The following FAM81A variants were observed in gnomAD, a reference collection of about 807,000 sequenced individuals.
FAM81A encodes protein FAM81A.
FAM81A carries 19 observed loss-of-function variants against 46.7 expected under a neutral mutation model. The ratio of observed to expected loss-of-function variants is 0.41; its 90% CI spans 0.28 to 0.60. FAM81A has a LOEUF of 0.60. Ranked by LOEUF, FAM81A falls within the 20% of genes least tolerant of loss-of-function variation. The pLI, the probability that FAM81A is intolerant of heterozygous loss-of-function variation, is 0.34. For synonymous variants in FAM81A, 183 were observed against 152.9 expected (o/e 1.20, Z -1.45); for missense variants, 377 against 453.5 (o/e 0.83, Z 1.53).
At chr15:59,433,875 C>G (rs2081231870), upstream of FAM81A, among the ~76,000 whole-genome samples, 1 of 151,934 alleles carries the variant, frequency 6.6e-6, no homozygotes, top group Admixed American at 6.6e-5. Flanking sequence ...CCTTTGGGAC[C>G]TTTTGAGTCT....
rs1212348437 is a variant in FAM81A at position 59,403,212 on chromosome 15, AC to A, written c.-78+861del. Among the ~76,000 whole-genome samples, 12 of 151,880 alleles carry A rather than the reference AC, an allele frequency of 7.9e-5. No individual in the cohort carries two copies. In the South Asian group the frequency reaches 2.3e-3, roughly 29 times the overall value. On this transcript the variant is annotated intron_variant, in intron 2 of 4. Transcript: ENST00000558348. ...GAGAACTTCGGTTATGAAGTGGGCT[AC>A]CCCCCCATCCCACACCCCCACATTC...
At chr15:59,398,283 G>A (rs139027460) in intron 1 of FAM81A, among the ~76,000 whole-genome samples, 4 of 152,264 alleles carry the variant, frequency 2.6e-5, no homozygotes, top group African/African-American at 9.6e-5. Flanking sequence ...GTAATGTAGG[G>A]TCTAAGTGTT....
chr15:59,437,333 C>T (rs1400895681), upstream of FAM81A, among the ~76,000 whole-genome samples: 9 of 151,446 alleles, frequency 5.9e-5, no homozygotes, highest in Admixed American at 5.9e-4. Flanking sequence ...GAAGGAGGCA[C>T]GAACCAGATG....
chr15:59,453,028 G>A (rs543308636), intron 1 of FAM81A, among the ~76,000 whole-genome samples: 26 of 152,336 alleles, frequency 1.7e-4, no homozygotes, highest in African/African-American at 6.0e-4. Context: ...CTCCCAAAGT[G>A]CTGGGATCAT....
At chr15:59,441,899 T>C (rs1464224982) in intron 1 of FAM81A, among the ~76,000 whole-genome samples, 2 of 152,226 alleles carry the variant, frequency 1.3e-5, no homozygotes, top group Non-Finnish European at 2.9e-5. Context: ...GCAGTAGTAT[T>C]TAAAGAGCAC....
intron 1 of FAM81A, among the ~76,000 whole-genome samples, chr15:59,452,879 T>C (rs1432529590): frequency 1.3e-5 from 2 of 152,030 alleles, no homozygotes; most frequent in Non-Finnish European, 1.5e-5. Flanking sequence ...CCTCCTACCT[T>C]AGCCTCCTAA....
chr15:59,521,242 C>T lies in FAM81A; in HGVS notation c.983-12C>T. On this transcript the variant is annotated splice_polypyrimidine_tract_variant and intron_variant, in intron 8 of 8. Coordinates refer to ENST00000288228, the MANE Select transcript of FAM81A (RefSeq NM_152450.3). ...AATTGTTAACTGTTGTGAAATTTAC[C>T]TCTCCTTCAAGGGTTTACAGCCGTC... The T allele has an allele frequency of 6.3e-7, 1 of 1,598,396 alleles. No individual in the cohort carries two copies. Among genetic ancestry groups the T allele is most frequent in the Non-Finnish European group, 8.5e-7 (1 of 1,174,052 alleles).
At chr15:59,413,417 AACAC>A (rs535000983) in intron 2 of FAM81A, among the ~76,000 whole-genome samples, 20,329 of 134,224 alleles carry the variant, frequency 0.15, 1,646 homozygotes, top group East Asian at 0.29. Context: ...GAGAGCATTA[AACAC>A]ACACACACAC....
At chr15:59,509,703 T>C (rs2141823841) in intron 6 of FAM81A, among the ~76,000 whole-genome samples, 1 of 152,138 alleles carries the variant, frequency 6.6e-6, no homozygotes, top group African/African-American at 2.4e-5. Context: ...AAGGGATGTT[T>C]GAGGTGAGAG....
intron 2 of FAM81A, among the ~76,000 whole-genome samples, chr15:59,417,867 A>G (rs983476547): frequency 2.0e-5 from 3 of 152,124 alleles, no homozygotes; most frequent in African/African-American, 7.2e-5. Flanking sequence ...GGTGTGCTGC[A>G]CCCATTAACT....
chr15:59,435,642 A>T (rs1291993931), upstream of FAM81A, among the ~76,000 whole-genome samples: 2 of 152,142 alleles, frequency 1.3e-5, no homozygotes, highest in Non-Finnish European at 2.9e-5. Flanking sequence ...AGAAAAATGA[A>T]TTTCCATGGT....
At chr15:59,401,381 A>G (rs1368048262) in intron 1 of FAM81A, 6 of 787,756 alleles carry the variant, frequency 7.6e-6, no homozygotes, top group Non-Finnish European at 1.4e-5. Context: ...AGTTGTATAC[A>G]GTGGGGACGA....
intron 1 of FAM81A, among the ~76,000 whole-genome samples, chr15:59,449,397 T>C (rs1317184506): frequency 6.6e-6 from 1 of 152,200 alleles, no homozygotes; most frequent in African/African-American, 2.4e-5. Flanking sequence ...TAGAAAGAAA[T>C]ATGACCCTGA....
At chr15:59,451,588 G>A (rs1253151216) in intron 1 of FAM81A, among the ~76,000 whole-genome samples, 3 of 152,024 alleles carry the variant, frequency 2.0e-5, no homozygotes, top group Non-Finnish European at 2.9e-5. Flanking sequence ...GAGTAGCTGC[G>A]ATAACAGGTG....
upstream of FAM81A, chr15:59,438,185 C>G (rs2081256898): frequency 6.8e-6 from 1 of 146,430 alleles, no homozygotes; most frequent in Non-Finnish European, 1.5e-5. Context: ...GGCGCGGGCC[C>G]GCAGCCGGGC....
rs150210548 is a variant in FAM81A at position 59,463,443 on chromosome 15, G to A, written c.294+3237G>A. ...AACTAATGTAAGTTCTTTTTAAAAG[G>A]TAGTTTTGGACTAGTCTATGTCCTT... On this transcript the variant is annotated intron_variant, in intron 3 of 8. Coordinates refer to ENST00000288228, the MANE Select transcript of FAM81A (RefSeq NM_152450.3). 2.5e-3 allele frequency among the ~76,000 whole-genome samples: 373 copies of A among 152,204 alleles called. 2 individuals are homozygous for A. Among genetic ancestry groups the A allele is most frequent in the Middle Eastern group, 6.8e-3 (2 of 294 alleles).
At chr15:59,473,437 A>T (rs1218205177) in intron 3 of FAM81A, among the ~76,000 whole-genome samples, 1 of 152,224 alleles carries the variant, frequency 6.6e-6, no homozygotes, top group Non-Finnish European at 1.5e-5. Flanking sequence ...AGGGTTTGGT[A>T]CTATCTGCAG....
At chr15:59,497,450 A>G (rs563086113) in intron 4 of FAM81A, among the ~76,000 whole-genome samples, 76 of 152,328 alleles carry the variant, frequency 5.0e-4, no homozygotes, top group Non-Finnish European at 1.0e-3. Context: ...TGTCTCAAAA[A>G]AAAAAAAATT....
At chr15:59,476,526 C>G (rs374628366) in intron 3 of FAM81A, among the ~76,000 whole-genome samples, 88 of 152,308 alleles carry the variant, frequency 5.8e-4, no homozygotes, top group Middle Eastern at 3.4e-3. Flanking sequence ...CGCCTGTAAT[C>G]CCATCACTTT....
Sources: allele counts gnomAD v4.1 joint callset (sites outside exome capture counted in the v4.1 genomes callset), GRCh38; gene constraint gnomAD v4.1.1; transcripts MANE v1.5; gene names NCBI Gene and HGNC (gene_info 2026-07-23, HGNC 2026-07-21).